CDKL5: variants seen among roughly 807,000 people sequenced by gnomAD.
CDKL5 encodes the protein cyclin dependent kinase like 5.
CDKL5 carries 8 observed loss-of-function variants against 61.7 expected under a neutral mutation model. That is an observed-to-expected ratio of 0.13 (90% CI 0.08 to 0.23). The LOEUF (loss-of-function observed/expected upper bound fraction) is 0.23, where lower values mean the gene tolerates loss of function less well. CDKL5 is among the 10% of genes least tolerant of loss of function. The probability of loss-of-function intolerance (pLI) is 1.00; values close to 1 mark genes in which losing one functional copy is unlikely to be tolerated. For synonymous variants in CDKL5, 275 were observed against 272.3 expected (o/e 1.01, Z -0.10); for missense variants, 440 against 734.5 (o/e 0.60, Z 4.63).
rs554111758 is a variant in CDKL5, at chrX:18,429,693, T to G, written c.-163+3998T>G. On this transcript the variant is annotated intron_variant, in intron 1 of 17. Coordinates refer to ENST00000623535, the MANE Select transcript of CDKL5 (RefSeq NM_001323289.2). ...CTCTGTTGCCCAGGCTGAAGTGCAG[T>G]GGTGTGATCACAGCTTGCTGCACCC... Among the ~76,000 whole-genome samples, 382 of 112,180 alleles carry G rather than the reference T, an allele frequency of 3.4e-3. 2 individuals carry two copies. The Middle Eastern group carries it at 0.042, about 12-fold the overall frequency.
downstream of CDKL5, chrX:18,644,549 C>G: frequency 8.3e-7 from 1 of 1,211,682 alleles, no homozygotes; most frequent in Non-Finnish European, 1.1e-6. Context: ...GTGAGGATCC[C>G]TGAAATCACT....
intron 16 of CDKL5, among the ~76,000 whole-genome samples, chrX:18,622,474 T>G (rs1926917621): frequency 8.9e-6 from 1 of 112,414 alleles, no homozygotes; most frequent in African/African-American, 3.2e-5. Flanking sequence ...TAACTCTGCC[T>G]ACTTTGAATG....
In CDKL5 at chrX:18,634,971, G is replaced by A. The variant is rs766146233; in HGVS notation, c.*6214G>A. The A allele has an allele frequency of 3.6e-4, 261 of 734,305 alleles. No individual in the cohort carries two copies. The highest frequency in any genetic ancestry group is 4.0e-4 in the Non-Finnish European group (253 of 627,226). The allele number at this position is 734,305 out of a possible 1,213,427, so 60.5% of individuals were successfully genotyped here. A position where few individuals can be genotyped will look rare whatever the true frequency, so the allele number is the denominator to read the frequency against. On this transcript the variant is annotated 3_prime_UTR_variant, in exon 18 of 18. Coordinates refer to ENST00000623535, the MANE Select transcript of CDKL5 (RefSeq NM_001323289.2). ...AGAATGATGTGACATCTAGTATGTG[G>A]TAGATGAAGAATCAGTGGAAATTCT... is the stretch of plus-strand genomic sequence containing the variant.
At chrX:18,591,818 C>T (rs1216629822) in intron 9 of CDKL5, among the ~76,000 whole-genome samples, 2 of 111,533 alleles carry the variant, frequency 1.8e-5, no homozygotes, top group South Asian at 3.8e-4. Flanking sequence ...GTCCTCCCTC[C>T]GTGAAGACCT....
intron 3 of CDKL5, among the ~76,000 whole-genome samples, chrX:18,557,207 A>G (rs1293461152): frequency 1.8e-5 from 2 of 111,885 alleles, no homozygotes. Context: ...CTGAGGATCG[A>G]AAATATTCAG....
At chrX:18,619,845 A>G in intron 15 of CDKL5, 22 bp from the exon 16 acceptor site, 1 of 1,007,000 alleles carries the variant, frequency 9.9e-7, no homozygotes, top group Non-Finnish European at 1.4e-6. Context: ...AATCAATATG[A>G]TAAAAATGTC....
chrX:18,460,393 C>A (rs749717399), intron 1 of CDKL5, among the ~76,000 whole-genome samples: 13 of 112,184 alleles, frequency 1.2e-4, no homozygotes, highest in Non-Finnish European at 1.9e-4. Flanking sequence ...GTCTAATCAT[C>A]TCCCACCAGG....
chrX:18,436,231 G>A (rs1303497317), intron 1 of CDKL5, among the ~76,000 whole-genome samples: 5 of 111,348 alleles, frequency 4.5e-5, no homozygotes, highest in Non-Finnish European at 7.5e-5. Flanking sequence ...AGTAGGCTGA[G>A]GAGGAAGAGG....
intron 1 of CDKL5, among the ~76,000 whole-genome samples, chrX:18,455,838 T>G (rs1370173554): frequency 2.7e-5 from 3 of 112,117 alleles, no homozygotes; most frequent in Non-Finnish European, 5.6e-5. Context: ...CCTGTTTCTG[T>G]CATTGCCTGA....
At chrX:18,558,861 A>G (rs1368804308) in intron 3 of CDKL5, among the ~76,000 whole-genome samples, 1 of 112,633 alleles carries the variant, frequency 8.9e-6, no homozygotes, top group Non-Finnish European at 1.9e-5. Context: ...GGGAAGAAGC[A>G]AAGAAGGATT....
intron 2 of CDKL5, among the ~76,000 whole-genome samples, chrX:18,509,197 G>GCACGCACGCGCGCGCACACACACACA: frequency 1.6e-5 from 1 of 64,308 alleles, no homozygotes; most frequent in South Asian, 1.1e-3. Flanking sequence ...CTCAAAACAC[G>GCACGCACGCGCGCGCACACACACACA]CACACACACA....
intron 1 of CDKL5, among the ~76,000 whole-genome samples, chrX:18,462,012 A>G (rs946734792): frequency 9.0e-6 from 1 of 111,059 alleles, no homozygotes; most frequent in African/African-American, 3.3e-5. Context: ...CATGTGGCCC[A>G]GGATGGCTTT....
chrX:18,509,091 AAC>A (rs34278137), intron 2 of CDKL5, among the ~76,000 whole-genome samples: 1,051 of 74,775 alleles, frequency 0.014, 21 homozygotes, highest in African/African-American at 0.032. Flanking sequence ...ACTGTCTCAA[AAC>A]ACACACACAC....
Position 18,578,917 on chromosome X carries a change from A to C in CDKL5, c.283-931A>C, listed in dbSNP as rs576006097. ...TTTAAAGGCAAGGTTTAATTGGATT[A>C]AAGAATCCAATGCCTTGATTCATGC... On this transcript the variant is annotated intron_variant, in intron 5 of 17. Transcript: ENST00000623535. Among the ~76,000 whole-genome samples, 12 of 112,676 alleles carry C rather than the reference A, an allele frequency of 1.1e-4. No homozygotes were observed. The South Asian group carries it at 4.0e-3, about 38-fold the overall frequency.
At chrX:18,608,476 T>C (rs925618592) in intron 12 of CDKL5, among the ~76,000 whole-genome samples, 1 of 111,781 alleles carries the variant, frequency 8.9e-6, no homozygotes, top group East Asian at 2.8e-4. Flanking sequence ...GATAAACTAA[T>C]AGAATTCCTA....
chrX:18,546,784 G>A (rs1924214164), intron 3 of CDKL5, among the ~76,000 whole-genome samples: 1 of 111,468 alleles, frequency 9.0e-6, no homozygotes, highest in Non-Finnish European at 1.9e-5. Context: ...AGGCCGCATG[G>A]CAAAGCATAG....
intron 3 of CDKL5, among the ~76,000 whole-genome samples, chrX:18,559,199 T>TTTTTG (rs1164916695): frequency 9.0e-6 from 1 of 111,608 alleles, no homozygotes; most frequent in Non-Finnish European, 1.9e-5. Context: ...AGGATGAGGT[T>TTTTTG]TTTTGTTTTG....
intron 1 of CDKL5, among the ~76,000 whole-genome samples, chrX:18,475,016 T>C (rs1225270893): frequency 1.8e-5 from 2 of 108,781 alleles, no homozygotes; most frequent in African/African-American, 6.7e-5. Flanking sequence ...TGGAGTGCAG[T>C]GGCAATCTCA....
At chrX:18,572,229 C>T (rs925368742) in intron 4 of CDKL5, among the ~76,000 whole-genome samples, 28 of 111,766 alleles carry the variant, frequency 2.5e-4, no homozygotes, top group African/African-American at 8.8e-4. Context: ...GATTAAAAGA[C>T]CGAGTCCAGA....
Sources: gnomAD v4.1 joint callset for allele counts (sites outside exome capture counted in the v4.1 genomes callset) on GRCh38, gnomAD v4.1.1 for gene constraint, MANE v1.5 for transcripts, NCBI Gene and HGNC (gene_info 2026-07-23, HGNC 2026-07-21) for gene names.